CDH18: variants seen among roughly 807,000 people sequenced by gnomAD.
The protein encoded by CDH18 is cadherin-18.
In CDH18, 31 loss-of-function variants were observed where a neutral mutation model predicts 67.9. The ratio of observed to expected loss-of-function variants is 0.46; its 90% CI spans 0.34 to 0.62. The LOEUF (loss-of-function observed/expected upper bound fraction) is 0.62. Among genes scored for constraint, CDH18 ranks in the 20% least tolerant of loss-of-function variants. CDH18 has a pLI of 0.01. For missense variants in CDH18, 890 were observed against 975.5 expected (o/e 0.91, Z 1.17); for synonymous variants, 362 against 347.2 (o/e 1.04, Z -0.48).
intron 2 of CDH18, among the ~76,000 whole-genome samples, chr5:20,234,908 C>T (rs2126518936): frequency 6.6e-6 from 1 of 152,134 alleles, no homozygotes; most frequent in African/African-American, 2.4e-5. Context: ...TCACAAGAAA[C>T]ATGAAGAAAA....
At chr5:20,236,066 CA>C (rs1263471959) in intron 2 of CDH18, among the ~76,000 whole-genome samples, 10 of 151,924 alleles carry the variant, frequency 6.6e-5, no homozygotes, top group Non-Finnish European at 2.9e-5. Context: ...GAACAGTAGA[CA>C]CTGGGTCATA....
chr5:20,546,750 G>GACACACACAC (rs4002054), intron 1 of CDH18, among the ~76,000 whole-genome samples: 1 of 150,968 alleles, frequency 6.6e-6, no homozygotes, highest in African/African-American at 2.4e-5. Context: ...TACATACATA[G>GACACACACAC]ACACACACAC....
At chr5:19,971,984 A>G (rs1798073624) in intron 2 of CDH18, among the ~76,000 whole-genome samples, 1 of 152,078 alleles carries the variant, frequency 6.6e-6, no homozygotes, top group Non-Finnish European at 1.5e-5. Context: ...CCTAGTTTTA[A>G]AAAATACAAA....
intron 5 of CDH18, among the ~76,000 whole-genome samples, chr5:19,614,383 A>T (rs1322731085): frequency 1.3e-5 from 2 of 151,058 alleles, no homozygotes; most frequent in Non-Finnish European, 3.0e-5. Context: ...AATAAATTAT[A>T]ATAATATTAT....
chr5:20,245,704 C>G (rs1743322218), intron 2 of CDH18, among the ~76,000 whole-genome samples: 1 of 151,974 alleles, frequency 6.6e-6, no homozygotes, highest in Admixed American at 6.6e-5. Flanking sequence ...TAAAATACAC[C>G]ATACCACACA....
chr5:20,545,981 G>T (rs1375858007), intron 1 of CDH18, among the ~76,000 whole-genome samples: 1 of 152,048 alleles, frequency 6.6e-6, no homozygotes, highest in East Asian at 1.9e-4. Flanking sequence ...AATCAGCCAG[G>T]TCATATCTTG....
chr5:19,589,609 C>A (rs2150019301), intron 7 of CDH18, among the ~76,000 whole-genome samples: 1 of 152,216 alleles, frequency 6.6e-6, no homozygotes, highest in East Asian at 1.9e-4. Context: ...ACAGCCTTGG[C>A]ATCATGTTGC....
intron 1 of CDH18, among the ~76,000 whole-genome samples, chr5:20,571,140 T>C (rs1280349120): frequency 6.6e-6 from 1 of 152,184 alleles, no homozygotes; most frequent in Non-Finnish European, 1.5e-5. Context: ...ATTTTTCTCA[T>C]ACTCTGTGAG....
chr5:19,678,339 A>G (rs1329668523), intron 5 of CDH18, among the ~76,000 whole-genome samples: 2 of 151,950 alleles, frequency 1.3e-5, no homozygotes, highest in African/African-American at 4.8e-5. Flanking sequence ...ACTTAAAACC[A>G]TGCAATTACA....
At chr5:19,527,846 T>C (rs1747980771) in intron 9 of CDH18, among the ~76,000 whole-genome samples, 1 of 151,814 alleles carries the variant, frequency 6.6e-6, no homozygotes, top group African/African-American at 2.4e-5. Flanking sequence ...TTTCAGTACA[T>C]TATTTTGTTC....
intron 1 of CDH18, among the ~76,000 whole-genome samples, chr5:20,354,969 A>G (rs1741490251): frequency 6.6e-6 from 1 of 152,178 alleles, no homozygotes; most frequent in Non-Finnish European, 1.5e-5. Context: ...GGACCACTTT[A>G]CTACGAGGGC....
intron 1 of CDH18, among the ~76,000 whole-genome samples, chr5:20,481,626 A>T (rs1287714260): frequency 6.6e-6 from 1 of 152,182 alleles, no homozygotes; most frequent in Admixed American, 6.5e-5. Context: ...AATGGAAATA[A>T]ATTATAAATG....
At chr5:19,559,746 A>G (rs1739101880) in intron 8 of CDH18, among the ~76,000 whole-genome samples, 1 of 151,992 alleles carries the variant, frequency 6.6e-6, no homozygotes, top group Admixed American at 6.6e-5. Flanking sequence ...ACATGATCCT[A>G]TACCTAGAAA....
In CDH18 at chr5:20,085,458, A is replaced by C. The variant is rs1744861364; in HGVS notation, c.-517-93444T>G. ...CTACTGAGCCCTCCAAATTGTTCCA[A>C]CATCTGCCTGTTACCCAGTTGCAAA... is the stretch of plus-strand genomic sequence containing the variant. On this transcript the variant is annotated intron_variant, in intron 2 of 14. Transcript: ENST00000507958. 1.3e-5 allele frequency among the ~76,000 whole-genome samples: 2 copies of C among 152,094 alleles called. 1 individual carries two copies. The highest frequency in any genetic ancestry group is 4.1e-4 in the South Asian group (2 of 4,834).
chr5:20,267,427 T>A (rs1410167538), intron 1 of CDH18, among the ~76,000 whole-genome samples: 2 of 152,202 alleles, frequency 1.3e-5, no homozygotes, highest in African/African-American at 2.4e-5. Flanking sequence ...CTAATTTTTT[T>A]ATTCCATATA....
intron 2 of CDH18, among the ~76,000 whole-genome samples, chr5:20,081,478 C>T (rs1744468233): frequency 6.6e-6 from 1 of 152,078 alleles, no homozygotes; most frequent in Non-Finnish European, 1.5e-5. Context: ...AACCATTCTA[C>T]CATAAAGATA....
intron 10 of CDH18, among the ~76,000 whole-genome samples, chr5:19,509,164 T>C (rs1238965717): frequency 6.6e-6 from 1 of 152,058 alleles, no homozygotes; most frequent in Non-Finnish European, 1.5e-5. Context: ...TCACTGCGCC[T>C]GGCCAAGAAT....
intron 1 of CDH18, among the ~76,000 whole-genome samples, chr5:20,556,169 C>T (rs958662): frequency 0.99 from 150,558 of 152,268 alleles, 74,465 homozygotes; most frequent in Middle Eastern, 1. Context: ...ATTTTCTCAC[C>T]TTCTGTGGAG....
chr5:19,502,002 A>G (rs1743334242), intron 11 of CDH18, among the ~76,000 whole-genome samples: 1 of 152,122 alleles, frequency 6.6e-6, no homozygotes, highest in Non-Finnish European at 1.5e-5. Context: ...GTGAGAGACA[A>G]TTAAGCTTTA....
Sources: gnomAD v4.1 joint callset for allele counts (sites outside exome capture counted in the v4.1 genomes callset) on GRCh38, gnomAD v4.1.1 for gene constraint, MANE v1.5 for transcripts, NCBI Gene and HGNC (gene_info 2026-07-23, HGNC 2026-07-21) for gene names.